The following MROH9 variants were observed in gnomAD, a reference collection of about 807,000 sequenced individuals.
The protein encoded by MROH9 is maestro heat like repeat family member 9, also known as maestro heat-like repeat-containing protein family member 9.
Under a neutral mutation model 98.2 loss-of-function variants are expected in MROH9, and 92 were observed. The observed-to-expected ratio is 0.94, with a 90% confidence interval of 0.79 to 1.11. The LOEUF (loss-of-function observed/expected upper bound fraction) is 1.11. MROH9 is among the 50% of genes most tolerant of loss of function. The pLI is 0.00. For synonymous variants in MROH9, 397 were observed against 368.9 expected, an observed-to-expected ratio of 1.08 and a Z score of -0.87; for missense variants, 1,057 against 1,014.8, an observed-to-expected ratio of 1.04 and a Z score of -0.57.
intron 11 of MROH9, among the ~76,000 whole-genome samples, chr1:170,991,110 G>T (rs909262152): frequency 2.0e-5 from 3 of 152,104 alleles, no homozygotes; most frequent in African/African-American, 4.8e-5. Context: ...GCTAAAAATT[G>T]CCAATAAATC....
rs1461797509 is a variant in MROH9, at chr1:171,064,273, A to T, written c.2519A>T (p.Asn840Ile). ...IKKLKPLYNY[N>I]SPNGQIDSPT... ...AAATTGAAGCCTCTTTACAATTATA[A>T]CTCACCCAATGGCCAGATAGACAGT... The change falls in exon 22 of 22, where the codon AAC (asparagine) becomes ATC (isoleucine). Residue 840 changes from asparagine to isoleucine, a missense_variant. Coordinates refer to ENST00000367759, the MANE Select transcript of MROH9 (RefSeq NM_001163629.2). 5.8e-6 allele frequency: 9 copies of T among 1,551,216 alleles called. No homozygotes were observed. The Middle Eastern group carries it at 5.0e-4, about 86-fold the overall frequency.
chr1:171,041,073 C>T (rs1451749645), intron 20 of MROH9, among the ~76,000 whole-genome samples: 1 of 151,688 alleles, frequency 6.6e-6, no homozygotes, highest in African/African-American at 2.4e-5. Flanking sequence ...TTCAGTGTAC[C>T]TATTACCCAA....
At position 171,037,877 on chromosome 1, in the gene MROH9, C is replaced by A. The variant is rs528192780; in HGVS notation, c.2281+12457C>A. 2.0e-5 allele frequency among the ~76,000 whole-genome samples: 3 copies of A among 152,110 alleles called. No homozygotes were observed. The South Asian group carries it at 6.2e-4, about 32-fold the overall frequency. ...AATGACATTGGGACACCTGCTGAGC[C>A]ATCTGGAATTTTTAGAATAATTTTA... is the stretch of plus-strand genomic sequence containing the variant. On this transcript the variant is annotated intron_variant, in intron 20 of 21. Coordinates refer to ENST00000367759, the MANE Select transcript of MROH9 (RefSeq NM_001163629.2).
chr1:171,052,043 T>A (rs564584548), intron 20 of MROH9, among the ~76,000 whole-genome samples: 2 of 152,136 alleles, frequency 1.3e-5, no homozygotes, highest in African/African-American at 2.4e-5. Context: ...CCTTTTTTTT[T>A]TTATTAATTA....
chr1:171,036,861 T>C (rs28622017), intron 20 of MROH9, among the ~76,000 whole-genome samples: 21,765 of 150,776 alleles, frequency 0.14, 4,284 homozygotes, highest in African/African-American at 0.45. Context: ...TATTTATATA[T>C]GGATGAAAGC....
intron 8 of MROH9, among the ~76,000 whole-genome samples, chr1:170,974,627 T>G (rs1650614372): frequency 6.6e-6 from 1 of 152,074 alleles, no homozygotes; most frequent in African/African-American, 2.4e-5. Context: ...TTGGTAGAAT[T>G]AATTACCATA....
At chr1:171,055,047 A>G (rs1468197716) in intron 20 of MROH9, among the ~76,000 whole-genome samples, 2 of 151,880 alleles carry the variant, frequency 1.3e-5, no homozygotes, top group East Asian at 1.9e-4. Context: ...AAAAAAAAAA[A>G]GACACTTGCA....
At chr1:170,990,152 T>C (rs556055352) in intron 11 of MROH9, 149 bp downstream of exon 11, 4 of 773,898 alleles carry the variant, frequency 5.2e-6, no homozygotes, top group African/African-American at 1.8e-5. Context: ...CCATGTGGGA[T>C]ACTTGTAAGA....
chr1:171,002,069 C>T (rs930911315), intron 15 of MROH9, among the ~76,000 whole-genome samples: 3 of 151,838 alleles, frequency 2.0e-5, no homozygotes, highest in African/African-American at 7.2e-5. Flanking sequence ...CTCCTGCTCA[C>T]TTGCAGTGTT....
At chr1:171,033,417 T>A (rs543613279) in intron 20 of MROH9, among the ~76,000 whole-genome samples, 1 of 152,282 alleles carries the variant, frequency 6.6e-6, no homozygotes, top group East Asian at 1.9e-4. Flanking sequence ...GATCTTCCAA[T>A]CCGTGGGTTG....
chr1:171,039,049 A>G (rs1653203730), intron 20 of MROH9, among the ~76,000 whole-genome samples: 2 of 151,770 alleles, frequency 1.3e-5, no homozygotes, highest in Admixed American at 1.3e-4. Context: ...TGTTCACCAC[A>G]CTCCCCACCA....
At chr1:171,022,364 TA>T (rs1298252919) in intron 17 of MROH9, among the ~76,000 whole-genome samples, 16 of 152,284 alleles carry the variant, frequency 1.1e-4, no homozygotes, top group Admixed American at 8.5e-4. Context: ...CCATCAATGT[TA>T]GACTGGATAA....
intron 21 of MROH9, among the ~76,000 whole-genome samples, chr1:171,062,808 T>C (rs1654051874): frequency 6.6e-6 from 1 of 152,190 alleles, no homozygotes; most frequent in Non-Finnish European, 1.5e-5. Flanking sequence ...TAATAGACTA[T>C]TTTTTAGAGC....
chr1:171,053,556 T>A (rs905458743), intron 20 of MROH9, among the ~76,000 whole-genome samples: 1 of 152,200 alleles, frequency 6.6e-6, no homozygotes, highest in Non-Finnish European at 1.5e-5. Flanking sequence ...TCATACACAG[T>A]AGCTGACAGT....
At chr1:171,009,296 A>T (rs1049236058) in intron 15 of MROH9, among the ~76,000 whole-genome samples, 2 of 152,128 alleles carry the variant, frequency 1.3e-5, no homozygotes, top group Non-Finnish European at 2.9e-5. Flanking sequence ...TGTATAGCAA[A>T]TTAATAACCA....
intron 20 of MROH9, among the ~76,000 whole-genome samples, chr1:171,041,442 T>C (rs947419763): frequency 7.7e-6 from 1 of 129,278 alleles, no homozygotes; most frequent in Non-Finnish European, 1.7e-5. Flanking sequence ...CACACATATA[T>C]ATGTCACATT....
intron 20 of MROH9, among the ~76,000 whole-genome samples, chr1:171,043,608 C>T (rs962284995): frequency 2.6e-5 from 4 of 151,604 alleles, no homozygotes; most frequent in African/African-American, 9.7e-5. Flanking sequence ...TCTTCCAATC[C>T]ATGAACTTGG....
intron 3 of MROH9, among the ~76,000 whole-genome samples, chr1:170,949,990 G>T (rs1649484591): frequency 6.6e-6 from 1 of 151,990 alleles, no homozygotes; most frequent in Admixed American, 6.6e-5. Context: ...AACATGTTAG[G>T]CATGCTGTAA....
intron 10 of MROH9, among the ~76,000 whole-genome samples, chr1:170,987,488 C>T (rs1651186558): frequency 6.6e-6 from 1 of 152,170 alleles, no homozygotes; most frequent in Non-Finnish European, 1.5e-5. Context: ...CGCCTTTCCT[C>T]CACAGTCTCT....
Sources: gnomAD v4.1 joint callset for allele counts (sites outside exome capture counted in the v4.1 genomes callset) on GRCh38, gnomAD v4.1.1 for gene constraint, MANE v1.5 for transcripts, NCBI Gene and HGNC (gene_info 2026-07-23, HGNC 2026-07-21) for gene names.